Variants in SLC9B1 observed in about 807,000 individuals in gnomAD.
SLC9B1 encodes the protein sodium/hydrogen exchanger 9B1.
A neutral mutation model predicts 51.7 loss-of-function variants in SLC9B1; 32 were observed. The observed-to-expected ratio is 0.62, with a 90% CI of 0.47 to 0.83. The LOEUF (loss-of-function observed/expected upper bound fraction) is 0.83, where lower values mean the gene tolerates loss of function less well. SLC9B1 is among the 40% of genes least tolerant of loss of function. SLC9B1 has a pLI of 0.00. For synonymous variants in SLC9B1, 145 were observed against 212.7 expected, an observed-to-expected ratio of 0.68 and a Z score of 2.77; for missense variants, 406 against 613.2, an observed-to-expected ratio of 0.66 and a Z score of 3.57.
chr4:102,989,773 T>C (rs200737443), intron 3 of SLC9B1, 27 bp downstream of exon 3: 9 of 1,479,622 alleles, frequency 6.1e-6, no homozygotes, highest in Admixed American at 2.1e-5. Flanking sequence ...TCATCTTCTC[T>C]TCATTTACAT....
chr4:102,923,369 A>C (rs1735982678), intron 7 of SLC9B1, among the ~76,000 whole-genome samples: 1 of 152,244 alleles, frequency 6.6e-6, no homozygotes, highest in African/African-American at 2.4e-5. Flanking sequence ...ACAGCCCTTC[A>C]TGCTAAGAAC....
At chr4:102,954,641 A>G (rs538192754) in intron 3 of SLC9B1, among the ~76,000 whole-genome samples, 96 of 152,274 alleles carry the variant, frequency 6.3e-4, no homozygotes, top group African/African-American at 2.1e-3. Flanking sequence ...TCACTCAAAC[A>G]AAAGACAAAT....
At chr4:102,975,569 T>TACATATAC (rs201527601) in intron 3 of SLC9B1, among the ~76,000 whole-genome samples, 34 of 96,130 alleles carry the variant, frequency 3.5e-4, no homozygotes, top group African/African-American at 1.5e-3. Context: ...TATATACATA[T>TACATATAC]ATATATATAT....
chr4:102,886,749 G>A (rs1436308447), intron 11 of SLC9B1, among the ~76,000 whole-genome samples: 4 of 112,590 alleles, frequency 3.6e-5, no homozygotes, highest in South Asian at 7.2e-4. Context: ...CCAAGTACCC[G>A]AGACACAGGC....
intron 3 of SLC9B1, among the ~76,000 whole-genome samples, chr4:102,968,447 G>C (rs1197990471): frequency 2.0e-5 from 3 of 152,112 alleles, no homozygotes; most frequent in African/African-American, 7.2e-5. Context: ...AGGTTTCTTA[G>C]ATATAATATC....
intron 3 of SLC9B1, among the ~76,000 whole-genome samples, chr4:102,971,505 T>A (rs904715380): frequency 6.6e-6 from 1 of 151,730 alleles, no homozygotes; most frequent in Non-Finnish European, 1.5e-5. Context: ...AGAGGGAAAT[T>A]TATAGCACTA....
At chr4:103,014,016 T>C (rs1741202009) in intron 1 of SLC9B1, among the ~76,000 whole-genome samples, 1 of 152,188 alleles carries the variant, frequency 6.6e-6, no homozygotes, top group Non-Finnish European at 1.5e-5. Context: ...GTAAGCTTGA[T>C]TATGGCAACA....
intron 3 of SLC9B1, among the ~76,000 whole-genome samples, chr4:102,978,796 C>T (rs984539282): frequency 6.6e-6 from 1 of 152,128 alleles, no homozygotes; most frequent in Non-Finnish European, 1.5e-5. Context: ...CCATTTGACC[C>T]GGCAATCCCA....
intron 5 of SLC9B1, among the ~76,000 whole-genome samples, chr4:102,945,788 G>C (rs1737237189): frequency 1.3e-5 from 2 of 152,036 alleles, no homozygotes; most frequent in South Asian, 4.1e-4. Context: ...CATACTTTCT[G>C]CTGGAGAATA....
intron 7 of SLC9B1, among the ~76,000 whole-genome samples, chr4:102,925,562 A>C (rs1736119097): frequency 2.0e-5 from 3 of 152,222 alleles, no homozygotes; most frequent in Admixed American, 6.6e-5. Flanking sequence ...AACAAAAAAA[A>C]CTATGACACT....
chr4:102,905,262 C>G (rs553952105), intron 11 of SLC9B1, among the ~76,000 whole-genome samples: 1 of 119,344 alleles, frequency 8.4e-6, no homozygotes, highest in Admixed American at 8.6e-5. Context: ...ACTCTGTCGC[C>G]CAGACTGGAA....
At chr4:102,901,959 A>G (rs1734811506) in intron 11 of SLC9B1, among the ~76,000 whole-genome samples, 1 of 152,180 alleles carries the variant, frequency 6.6e-6, no homozygotes, top group Non-Finnish European at 1.5e-5. Context: ...TGGTTGTGAA[A>G]ATTAAATATG....
At chr4:102,962,313 C>G in intron 3 of SLC9B1, 1 of 539,076 alleles carries the variant, frequency 1.9e-6, no homozygotes, top group East Asian at 5.2e-5. Flanking sequence ...ACAAAGTGGT[C>G]AATATGACTG....
intron 11 of SLC9B1, among the ~76,000 whole-genome samples, chr4:102,904,769 G>C (rs957449269): frequency 6.6e-6 from 1 of 152,070 alleles, no homozygotes; most frequent in Non-Finnish European, 1.5e-5. Context: ...ATCACTTGAG[G>C]TCAGGAGTTT....
rs57204156 is a variant in SLC9B1 at position 102,915,103 on chromosome 4, GAA to G, written c.830-3568_830-3567del. 5.6e-4 allele frequency among the ~76,000 whole-genome samples: 81 copies of G among 144,464 alleles called. 2 individuals are homozygous for G. Among genetic ancestry groups the G allele is most frequent in the South Asian group, 2.2e-3 (10 of 4,556 alleles). The allele number at this position is 144,464 out of a possible 152,430, so 94.8% of individuals were successfully genotyped here. A position where few individuals can be genotyped will look rare whatever the true frequency, so the allele number is the denominator to read the frequency against. ...GGATGATATATTAAAAGGGCTGAAA[GAA>G]AAAAAAAAAACTGTCAACCAAGAAC... On this transcript the variant is annotated intron_variant, in intron 7 of 11. Coordinates refer to ENST00000296422, the MANE Select transcript of SLC9B1 (RefSeq NM_139173.4).
chr4:102,891,316 G>C (rs965971116), intron 11 of SLC9B1: 7 of 152,138 alleles, frequency 4.6e-5, no homozygotes, highest in African/African-American at 1.7e-4. Context: ...AGTATCAAAA[G>C]GGTCTTGCAG....
At chr4:103,008,144 A>G (rs1740887781) in intron 1 of SLC9B1, among the ~76,000 whole-genome samples, 1 of 152,226 alleles carries the variant, frequency 6.6e-6, no homozygotes. Context: ...GTACATACAT[A>G]AACACACATA....
chr4:103,005,391 A>G (rs1740730857), intron 1 of SLC9B1, among the ~76,000 whole-genome samples: 1 of 152,190 alleles, frequency 6.6e-6, no homozygotes, highest in Non-Finnish European at 1.5e-5. Context: ...GGTTCAGTTC[A>G]ACAAGAAGAC....
At chr4:102,885,749 A>G (rs1002913812) in intron 11 of SLC9B1, among the ~76,000 whole-genome samples, 2 of 152,220 alleles carry the variant, frequency 1.3e-5, no homozygotes, top group African/African-American at 4.8e-5. Flanking sequence ...GTCATAGTAA[A>G]TAGTGGTCAA....
Sources: gnomAD v4.1 joint callset for allele counts (sites outside exome capture counted in the v4.1 genomes callset) on GRCh38, gnomAD v4.1.1 for gene constraint, MANE v1.5 for transcripts, NCBI Gene and HGNC (gene_info 2026-07-23, HGNC 2026-07-21) for gene names.